RPS6KA2: variants seen among roughly 807,000 people sequenced by gnomAD.
RPS6KA2 encodes the protein ribosomal protein S6 kinase alpha-2.
A neutral mutation model predicts 91.8 loss-of-function variants in RPS6KA2; 42 were observed. That is an observed-to-expected ratio of 0.46 (90% CI 0.36 to 0.59). RPS6KA2 has a LOEUF of 0.59. Ranked by LOEUF, RPS6KA2 falls within the 20% of genes least tolerant of loss-of-function variation. RPS6KA2 has a pLI of 0.00. For synonymous variants in RPS6KA2, 414 were observed against 393.6 expected (o/e 1.05, Z -0.61); for missense variants, 798 against 978.5 (o/e 0.82, Z 2.46).
chr6:166,589,008 C>T (rs190462094), intron 1 of RPS6KA2, among the ~76,000 whole-genome samples: 3 of 152,286 alleles, frequency 2.0e-5, no homozygotes, highest in Admixed American at 1.3e-4. Flanking sequence ...CAAGGGAGTG[C>T]CCCCGCAGAA....
intron 2 of RPS6KA2, among the ~76,000 whole-genome samples, chr6:166,659,129 A>G (rs1270926932): frequency 6.6e-6 from 1 of 151,760 alleles, no homozygotes; most frequent in African/African-American, 2.4e-5. Flanking sequence ...CAAATTGGAC[A>G]GGTGTCCAAA....
At chr6:166,568,354 C>T (rs1784565728) in intron 1 of RPS6KA2, among the ~76,000 whole-genome samples, 1 of 152,124 alleles carries the variant, frequency 6.6e-6, no homozygotes. Context: ...TGACTCACGC[C>T]TATTATCCCA....
intron 3 of RPS6KA2, among the ~76,000 whole-genome samples, chr6:166,517,465 T>TTTTG (rs1562550823): frequency 5.4e-5 from 3 of 55,358 alleles, no homozygotes; most frequent in African/African-American, 1.5e-4. Flanking sequence ...GTTTTTTTTT[T>TTTTG]TTTTTTTTTT....
chr6:166,618,382 G>A (rs1786494818), intron 1 of RPS6KA2, among the ~76,000 whole-genome samples: 1 of 152,166 alleles, frequency 6.6e-6, no homozygotes, highest in South Asian at 2.1e-4. Context: ...CTGAGTCCAA[G>A]CCCCTGAGAA....
rs555773345 is a variant in RPS6KA2, at chr6:166,465,824, G to A, written c.972+4017C>T. ...CGGGGCTCTGCGTTCCAGCTGTGAC[G>A]TCATGGACATGGACACTTTGCTGGT... On this transcript the variant is annotated intron_variant, in intron 11 of 20. Transcript: ENST00000265678. 1.7e-3 allele frequency among the ~76,000 whole-genome samples: 254 copies of A among 152,350 alleles called. 1 individual carries two copies. The highest frequency in any genetic ancestry group is 6.0e-3 in the African/African-American group (249 of 41,580).
intron 2 of RPS6KA2, among the ~76,000 whole-genome samples, chr6:166,817,805 C>A (rs1583150413): frequency 6.6e-6 from 1 of 152,070 alleles, no homozygotes; most frequent in East Asian, 1.9e-4. Context: ...TCACTGCAAC[C>A]TCTGCCTCCC....
chr6:166,476,201 G>A (rs1663964615), intron 10 of RPS6KA2, among the ~76,000 whole-genome samples: 1 of 152,206 alleles, frequency 6.6e-6, no homozygotes, highest in African/African-American at 2.4e-5. Flanking sequence ...AGCCAGGGGT[G>A]TCAAGGCTGG....
intron 1 of RPS6KA2, among the ~76,000 whole-genome samples, chr6:166,622,149 C>A (rs569744134): frequency 2.6e-5 from 4 of 152,010 alleles, no homozygotes; most frequent in Non-Finnish European, 5.9e-5. Context: ...CGTGGGTTTA[C>A]GGAAAAGGAC....
In RPS6KA2 at chr6:166,496,493, C is replaced by G. The variant is rs534411647; in HGVS notation, c.747+2015G>C. ...CAAATCTCCCCTCCCCCTGTCCCCC[C>G]AGAAACCTCACAAAACTAAGTCCAG... On this transcript the variant is annotated intron_variant, in intron 8 of 20. Transcript: ENST00000265678. Among the ~76,000 whole-genome samples the G allele has an allele frequency of 1.7e-3, 264 of 152,222 alleles. 1 individual carries two copies. The highest frequency in any genetic ancestry group is 6.0e-3 in the African/African-American group (248 of 41,528).
chr6:166,580,041 T>C (rs909782692), intron 1 of RPS6KA2, among the ~76,000 whole-genome samples: 3 of 152,252 alleles, frequency 2.0e-5, no homozygotes, highest in Non-Finnish European at 2.9e-5. Flanking sequence ...GCCGTCTTTC[T>C]ATGACTCAGC....
chr6:166,532,318 C>G (rs1397675241), intron 2 of RPS6KA2, among the ~76,000 whole-genome samples: 3 of 152,236 alleles, frequency 2.0e-5, no homozygotes, highest in Non-Finnish European at 2.9e-5. Context: ...TGGCTCCCCC[C>G]CAAGACTGGA....
chr6:166,618,067 G>GT (rs1245793776), intron 1 of RPS6KA2, among the ~76,000 whole-genome samples: 1 of 152,250 alleles, frequency 6.6e-6, no homozygotes, highest in African/African-American at 2.4e-5. Context: ...CATGCAAGGG[G>GT]ACCTGTGATT....
At chr6:166,812,312 T>C (rs926262411) in intron 2 of RPS6KA2, among the ~76,000 whole-genome samples, 5 of 152,262 alleles carry the variant, frequency 3.3e-5, no homozygotes, top group African/African-American at 1.2e-4. Flanking sequence ...GCCAAGATCG[T>C]GCTGCTGCAC....
intron 2 of RPS6KA2, among the ~76,000 whole-genome samples, chr6:166,811,662 CA>C (rs1267561042): frequency 6.6e-6 from 1 of 152,188 alleles, no homozygotes; most frequent in Non-Finnish European, 1.5e-5. Context: ...TTTATATGTA[CA>C]AAAATTCTTC....
intron 2 of RPS6KA2, among the ~76,000 whole-genome samples, chr6:166,830,566 A>G (rs1380061954): frequency 1.3e-5 from 2 of 152,220 alleles, no homozygotes; most frequent in Non-Finnish European, 2.9e-5. Flanking sequence ...AAAGTATAAA[A>G]CATCTCTCCC....
At chr6:166,675,430 T>C (rs1404138846) in intron 2 of RPS6KA2, among the ~76,000 whole-genome samples, 3 of 152,154 alleles carry the variant, frequency 2.0e-5, no homozygotes, top group Non-Finnish European at 2.9e-5. Context: ...CCTTTAAAGA[T>C]GTTCGTGGCA....
At chr6:166,724,456 A>G (rs546282864) in intron 2 of RPS6KA2, among the ~76,000 whole-genome samples, 1 of 152,066 alleles carries the variant, frequency 6.6e-6, no homozygotes, top group South Asian at 2.1e-4. Flanking sequence ...AAAAAACACC[A>G]AAATCCTTTT....
At chr6:166,572,961 G>C (rs1784734562) in intron 1 of RPS6KA2, among the ~76,000 whole-genome samples, 1 of 152,250 alleles carries the variant, frequency 6.6e-6, no homozygotes, top group African/African-American at 2.4e-5. Context: ...TGCGTGGTCA[G>C]AGGGAGCGGA....
intron 1 of RPS6KA2, among the ~76,000 whole-genome samples, chr6:166,617,902 G>A (rs972485403): frequency 3.3e-5 from 5 of 152,184 alleles, no homozygotes; most frequent in African/African-American, 1.2e-4. Flanking sequence ...CATTTTTAGC[G>A]GCACAGACCA....
Sources: allele counts gnomAD v4.1 joint callset (sites outside exome capture counted in the v4.1 genomes callset), GRCh38; gene constraint gnomAD v4.1.1; transcripts MANE v1.5; gene names NCBI Gene and HGNC (gene_info 2026-07-23, HGNC 2026-07-21).